FLT1: variants seen among roughly 807,000 people sequenced by gnomAD.
The protein encoded by FLT1 is fms related receptor tyrosine kinase 1.
FLT1 carries 49 observed loss-of-function variants against 156.3 expected under a neutral mutation model. The observed-to-expected ratio is 0.31, with a 90% CI of 0.25 to 0.40. FLT1 has a LOEUF of 0.40. Among genes scored for constraint, FLT1 ranks in the 10% least tolerant of loss-of-function variants. The pLI is 1.00. For synonymous variants in FLT1, 594 were observed against 583.8 expected, an observed-to-expected ratio of 1.02 and a Z score of -0.25; for missense variants, 1,322 against 1,637.2, an observed-to-expected ratio of 0.81 and a Z score of 3.32.
chr13:28,311,118 C>T (rs916860616), intron 27 of FLT1, among the ~76,000 whole-genome samples: 25 of 152,074 alleles, frequency 1.6e-4, no homozygotes, highest in African/African-American at 6.0e-4. Flanking sequence ...CCACCACACC[C>T]GGCTAATTTT....
chr13:28,380,518 G>C (rs1228662004), intron 14 of FLT1, among the ~76,000 whole-genome samples: 1 of 152,196 alleles, frequency 6.6e-6, no homozygotes, highest in African/African-American at 2.4e-5. Flanking sequence ...GCGAGAGAAA[G>C]AAAATTGCTG....
chr13:28,390,164 A>G, intron 12 of FLT1, 60 bp from the exon 13 acceptor site: 2 of 1,588,540 alleles, frequency 1.3e-6, no homozygotes, highest in South Asian at 2.2e-5. Flanking sequence ...TTAATGAGAT[A>G]TTCAAAGATC....
rs945721547 is a variant in FLT1 at position 28,374,433 on chromosome 13, A to T, written c.2116+10452T>A. 3.3e-5 allele frequency among the ~76,000 whole-genome samples: 5 copies of T among 151,992 alleles called. No homozygotes were observed. In the South Asian group the frequency reaches 8.3e-4, roughly 25 times the overall value. ...ATGTCTCAAAAAACAAACAAAAAAC[A>T]AAACAAAATATAAAGAAAAAACCCA... On this transcript the variant is annotated intron_variant, in intron 14 of 29. Transcript: ENST00000282397.
intron 7 of FLT1, 66 bp downstream of exon 7, chr13:28,431,070 G>A (rs907256914): frequency 1.4e-6 from 2 of 1,383,748 alleles, no homozygotes; most frequent in East Asian, 2.3e-5. Context: ...GACTTATTTA[G>A]AGAACACAGA....
chr13:28,308,320 G>T (rs769571238), intron 28 of FLT1: 55 of 197,824 alleles, frequency 2.8e-4, no homozygotes, highest in Admixed American at 6.3e-4. Flanking sequence ...CAGGGCTTTA[G>T]AGAGAAGAGC....
chr13:28,326,488 T>C (rs1196302188), intron 20 of FLT1, among the ~76,000 whole-genome samples: 1 of 151,818 alleles, frequency 6.6e-6, no homozygotes, highest in African/African-American at 2.4e-5. Context: ...TTTAGTAAAT[T>C]ATTTCTCCTC....
rs370068366 is a variant in FLT1, at chr13:28,430,175, A to C, written c.989-8T>G. ...CAGTGATGAATGCTTTATCTTTGAAAGGAGAAGTGATACATACATTAGAAA... is the reference window on the plus strand; with the variant it reads ...CAGTGATGAATGCTTTATCTTTGAACGGAGAAGTGATACATACATTAGAAA... On this transcript the variant is annotated splice_polypyrimidine_tract_variant and splice_region_variant and intron_variant, in intron 7 of 29. Transcript: ENST00000282397. 3.6e-5 allele frequency: 57 copies of C among 1,578,906 alleles called. No individual in the cohort carries two copies. The highest frequency in any genetic ancestry group is 4.6e-5 in the Non-Finnish European group (53 of 1,147,978).
At chr13:28,389,477 G>A in intron 13 of FLT1, 2 of 1,362,978 alleles carry the variant, frequency 1.5e-6, no homozygotes. Context: ...CACAGAGAAG[G>A]CAGTGCAGGG....
In FLT1 at chr13:28,365,666, AAC is replaced by A. The variant is rs1310736592; in HGVS notation, c.2117-7983_2117-7982del. Reference sequence around the variant, plus strand: ...CGTGCTCAGCCAGAACTCACTTATAAACATGATACTCTGCTTTGTGTTTCTGA... The same window carrying A: ...CGTGCTCAGCCAGAACTCACTTATAAATGATACTCTGCTTTGTGTTTCTGA... On this transcript the variant is annotated intron_variant, in intron 14 of 29. Coordinates refer to ENST00000282397, the MANE Select transcript of FLT1 (RefSeq NM_002019.4). Among the ~76,000 whole-genome samples the A allele has an allele frequency of 7.2e-5, 11 of 152,298 alleles. No individual in the cohort carries two copies. The South Asian group carries it at 1.4e-3, about 20-fold the overall frequency.
At chr13:28,389,403 T>G (rs1371503352) in intron 13 of FLT1, 1 of 1,269,200 alleles carries the variant, frequency 7.9e-7, no homozygotes, top group African/African-American at 1.5e-5. Flanking sequence ...GGCATCAAAA[T>G]GGAAGGAAAG....
chr13:28,470,215 T>C (rs638889), intron 1 of FLT1, among the ~76,000 whole-genome samples: 36,150 of 152,104 alleles, frequency 0.24, 5,827 homozygotes, highest in African/African-American at 0.44. Context: ...TACCTAGGAA[T>C]GTATTTTAAC....
intron 14 of FLT1, among the ~76,000 whole-genome samples, chr13:28,362,733 C>T (rs1384935131): frequency 2.0e-5 from 3 of 152,158 alleles, no homozygotes; most frequent in Non-Finnish European, 4.4e-5. Context: ...TTGGATTTCA[C>T]TCAAGGAGAG....
intron 17 of FLT1, among the ~76,000 whole-genome samples, chr13:28,336,492 T>C (rs1872119575): frequency 6.6e-6 from 1 of 152,186 alleles, no homozygotes; most frequent in African/African-American, 2.4e-5. Context: ...TGCCATACAA[T>C]GCAAGGATAT....
intron 4 of FLT1, among the ~76,000 whole-genome samples, chr13:28,437,729 T>C (rs1878109276): frequency 6.6e-6 from 1 of 152,112 alleles, no homozygotes; most frequent in Admixed American, 6.5e-5. Flanking sequence ...GAAGTTTGGG[T>C]GCTCAGCAGG....
intron 11 of FLT1, among the ~76,000 whole-genome samples, chr13:28,400,373 A>G (rs1228438695): frequency 6.6e-6 from 1 of 152,250 alleles, no homozygotes; most frequent in East Asian, 1.9e-4. Flanking sequence ...AGAAAAGTTA[A>G]AAATAAGGTG....
intron 15 of FLT1, among the ~76,000 whole-genome samples, chr13:28,356,324 C>T (rs1872899508): frequency 6.6e-6 from 1 of 152,124 alleles, no homozygotes; most frequent in Non-Finnish European, 1.5e-5. Flanking sequence ...GGCTATATGT[C>T]TGGGGTGCCT....
chr13:28,304,501 C>G (rs1870655685), intron 29 of FLT1, among the ~76,000 whole-genome samples: 1 of 151,804 alleles, frequency 6.6e-6, no homozygotes, highest in Non-Finnish European at 1.5e-5. Context: ...ATCTGCCCAC[C>G]TGTCTGGTGT....
At chr13:28,357,736 A>C in intron 14 of FLT1, 51 bp from the exon 15 acceptor site, 1 of 1,559,414 alleles carries the variant, frequency 6.4e-7, no homozygotes, top group South Asian at 1.1e-5. Context: ...CAAACAAAAA[A>C]CAGCTACTTC....
intron 3 of FLT1, among the ~76,000 whole-genome samples, chr13:28,440,602 T>G (rs1878281470): frequency 6.6e-6 from 1 of 152,070 alleles, no homozygotes; most frequent in African/African-American, 2.4e-5. Flanking sequence ...AGGCATGGTG[T>G]GTGAGAGCAG....
Sources: gnomAD v4.1 joint callset for allele counts (sites outside exome capture counted in the v4.1 genomes callset) on GRCh38, gnomAD v4.1.1 for gene constraint, MANE v1.5 for transcripts, NCBI Gene and HGNC (gene_info 2026-07-23, HGNC 2026-07-21) for gene names.